The following MLIP variants were observed in gnomAD, a reference collection of about 807,000 sequenced individuals.
MLIP encodes muscular LMNA interacting protein, also known as muscular LMNA-interacting protein.
MLIP carries 79 observed loss-of-function variants against 84.8 expected under a neutral mutation model. The observed-to-expected ratio is 0.93, with a 90% confidence interval of 0.78 to 1.12. The LOEUF is 1.12. MLIP is among the 50% of genes most tolerant of loss of function. The pLI is 0.00. For missense variants in MLIP, 1,257 were observed against 1,160.6 expected (o/e 1.08, Z -1.21); for synonymous variants, 504 against 463.0 (o/e 1.09, Z -1.14).
At position 54,189,915 on chromosome 6, in the gene MLIP, G is replaced by T. The variant is rs777377431; in HGVS notation, c.2589+1G>T. The T allele has an allele frequency of 6.3e-7, 1 of 1,598,508 alleles. No individual in the cohort carries two copies. Among genetic ancestry groups the T allele is most frequent in the Non-Finnish European group, 8.6e-7 (1 of 1,166,858 alleles). On this transcript the variant is annotated splice_donor_variant, in intron 10 of 13. Transcript: ENST00000502396. LOFTEE classifies it high-confidence loss of function. ...TTCTACAGTATCTGAGAGTCAGCTG[G>T]TATGTATCTTCTAAGTCACAGATCT...
intron 1 of MLIP, among the ~76,000 whole-genome samples, chr6:54,028,295 G>T (rs988978433): frequency 2.9e-4 from 44 of 152,160 alleles, no homozygotes; most frequent in Middle Eastern, 3.4e-3. Flanking sequence ...CCCCAGCTTG[G>T]TCTTCAAAAT....
At chr6:54,249,746 T>TATATAC (rs71724053) in intron 12 of MLIP, among the ~76,000 whole-genome samples, 214 of 150,420 alleles carry the variant, frequency 1.4e-3, no homozygotes, top group Middle Eastern at 3.4e-3. Context: ...TATATATATA[T>TATATAC]ACACACACAC....
chr6:54,031,071 A>G (rs1026375133), intron 1 of MLIP, among the ~76,000 whole-genome samples: 9 of 152,212 alleles, frequency 5.9e-5, no homozygotes, highest in Admixed American at 4.6e-4. Context: ...ATGTTGACAG[A>G]ACATTAACAT....
At chr6:54,095,139 G>C (rs1391268550) in intron 1 of MLIP, among the ~76,000 whole-genome samples, 1 of 152,168 alleles carries the variant, frequency 6.6e-6, no homozygotes, top group African/African-American at 2.4e-5. Flanking sequence ...TCTTAAAGGG[G>C]CTAAATTACC....
chr6:54,083,218 A>T (rs540856237), intron 1 of MLIP, among the ~76,000 whole-genome samples: 1 of 152,188 alleles, frequency 6.6e-6, no homozygotes, highest in Admixed American at 6.5e-5. Context: ...TAATATACAT[A>T]TTAAATGTGA....
intron 1 of MLIP, chr6:54,083,731 T>G: frequency 8.1e-7 from 1 of 1,235,700 alleles, no homozygotes; most frequent in Non-Finnish European, 1.1e-6. Flanking sequence ...TTGCAGTAGT[T>G]ATGTTTTAGG....
At chr6:54,088,734 G>C (rs562644757) in intron 1 of MLIP, among the ~76,000 whole-genome samples, 2 of 152,184 alleles carry the variant, frequency 1.3e-5, no homozygotes, top group Admixed American at 1.3e-4. Context: ...ATCCATTAGG[G>C]TATGGAGAAA....
At chr6:54,097,982 G>A (rs1292669364) in intron 1 of MLIP, among the ~76,000 whole-genome samples, 2 of 152,056 alleles carry the variant, frequency 1.3e-5, no homozygotes, top group African/African-American at 2.4e-5. Flanking sequence ...AGAAGCGGGA[G>A]CTCAGGAGAG....
intron 1 of MLIP, among the ~76,000 whole-genome samples, chr6:54,082,878 T>G: frequency 6.6e-6 from 1 of 152,212 alleles, no homozygotes; most frequent in Non-Finnish European, 1.5e-5. Context: ...AATCCTTTCT[T>G]GATTTTATTA....
intron 11 of MLIP, chr6:54,216,387 G>A (rs1779855307): frequency 1.0e-6 from 1 of 985,122 alleles, no homozygotes; most frequent in African/African-American, 1.7e-5. Flanking sequence ...CCAACTATAT[G>A]TATAGAAAAA....
intron 11 of MLIP, among the ~76,000 whole-genome samples, chr6:54,212,531 G>A (rs1779530826): frequency 1.3e-5 from 2 of 152,204 alleles, no homozygotes; most frequent in Admixed American, 1.3e-4. Flanking sequence ...TGATGTGCAG[G>A]TGTATGTGTG....
chr6:54,071,112 T>A (rs932812303), intron 1 of MLIP, among the ~76,000 whole-genome samples: 4 of 152,144 alleles, frequency 2.6e-5, no homozygotes, highest in African/African-American at 9.7e-5. Context: ...CTCATAGGTA[T>A]TTGCATTTTT....
chr6:54,021,752 T>A (rs1228919507), intron 1 of MLIP, among the ~76,000 whole-genome samples: 1 of 152,186 alleles, frequency 6.6e-6, no homozygotes, highest in African/African-American at 2.4e-5. Flanking sequence ...CAATACATAA[T>A]CAGAAATAAA....
chr6:54,062,966 G>C (rs1221218537), intron 1 of MLIP, among the ~76,000 whole-genome samples: 1 of 152,118 alleles, frequency 6.6e-6, no homozygotes. Context: ...ACTTTGGGAG[G>C]CCGAGGCGGG....
At chr6:54,031,772 C>A (rs1581992208) in intron 1 of MLIP, 2 of 152,272 alleles carry the variant, frequency 1.3e-5, no homozygotes, top group South Asian at 4.1e-4. Context: ...TGGCCGACTG[C>A]CTCCACCTTC....
intron 1 of MLIP, chr6:54,063,340 G>A (rs1056336731): frequency 4.6e-5 from 7 of 151,824 alleles, no homozygotes; most frequent in Non-Finnish European, 8.8e-5. Flanking sequence ...AATACTCTCC[G>A]CACCAGTGTG....
chr6:54,090,051 G>A (rs1384896426), intron 1 of MLIP, among the ~76,000 whole-genome samples: 2 of 152,112 alleles, frequency 1.3e-5, no homozygotes, highest in African/African-American at 2.4e-5. Flanking sequence ...ACTAAAATGA[G>A]TTGCAGGATT....
chr6:54,080,847 T>C (rs982376442), intron 1 of MLIP, among the ~76,000 whole-genome samples: 21 of 150,030 alleles, frequency 1.4e-4, no homozygotes, highest in African/African-American at 5.1e-4. Flanking sequence ...AAAGTATAGT[T>C]TTTTTTTTAA....
rs373136051 is a variant in MLIP, at chr6:54,062,889, G to A, written c.63+43798G>A. On this transcript the variant is annotated intron_variant, in intron 1 of 12. Transcript: ENST00000274897. ...ATGTTTGTCAAATAAATCAATTAAT[G>A]TGCAGGGCTAGAATTAATATGGGTC... is the stretch of plus-strand genomic sequence containing the variant. Among the ~76,000 whole-genome samples the A allele has an allele frequency of 9.9e-5, 15 of 152,232 alleles. No homozygotes were observed. The East Asian group carries it at 1.3e-3, about 14-fold the overall frequency.
Sources: gnomAD v4.1 joint callset for allele counts (sites outside exome capture counted in the v4.1 genomes callset) on GRCh38, gnomAD v4.1.1 for gene constraint, MANE v1.5 for transcripts, NCBI Gene and HGNC (gene_info 2026-07-23, HGNC 2026-07-21) for gene names.